The following PRKCH variants were observed in gnomAD, a reference collection of about 807,000 sequenced individuals.
PRKCH encodes protein kinase C eta, also known as protein kinase C eta type.
PRKCH carries 28 observed loss-of-function variants against 82.5 expected under a neutral mutation model. The ratio of observed to expected loss-of-function variants is 0.34; its 90% CI spans 0.25 to 0.47. The LOEUF is 0.47. Ranked by LOEUF, PRKCH falls within the 20% of genes least tolerant of loss-of-function variation. The pLI is 1.00. For missense variants in PRKCH, 705 were observed against 881.8 expected (o/e 0.80, Z 2.54); for synonymous variants, 322 against 327.4 (o/e 0.98, Z 0.18).
At chr14:61,517,008 G>T (rs1305165643) in intron 10 of PRKCH, among the ~76,000 whole-genome samples, 2 of 152,120 alleles carry the variant, frequency 1.3e-5, no homozygotes, top group African/African-American at 4.8e-5. Context: ...TGTTTAGATG[G>T]CTCAGGTTTA....
chr14:61,224,415 A>T (rs1373116726), intron 1 of PRKCH, among the ~76,000 whole-genome samples: 1 of 151,932 alleles, frequency 6.6e-6, no homozygotes, highest in Non-Finnish European at 1.5e-5. Flanking sequence ...TTTTCCATGG[A>T]TGTCCTTTTT....
chr14:61,269,025 A>C (rs906426264), intron 1 of PRKCH, among the ~76,000 whole-genome samples: 10 of 152,226 alleles, frequency 6.6e-5, no homozygotes, highest in African/African-American at 2.2e-4. Flanking sequence ...CTATTTGGCA[A>C]AGACATTTGG....
chr14:61,360,734 C>T (rs2046214144), intron 1 of PRKCH, among the ~76,000 whole-genome samples: 1 of 152,178 alleles, frequency 6.6e-6, no homozygotes, highest in African/African-American at 2.4e-5. Flanking sequence ...ACTTGGCTTC[C>T]AGGAGCCTGA....
chr14:61,438,233 G>A (rs912769467), intron 2 of PRKCH, among the ~76,000 whole-genome samples: 9 of 152,054 alleles, frequency 5.9e-5, no homozygotes, highest in East Asian at 3.9e-4. Flanking sequence ...CTTGTCTGTC[G>A]TCATATAGAA....
chr14:61,327,503 C>T (rs913759755), intron 1 of PRKCH, among the ~76,000 whole-genome samples: 9 of 152,286 alleles, frequency 5.9e-5, no homozygotes, highest in Non-Finnish European at 8.8e-5. Flanking sequence ...GGCTATGTAG[C>T]GTCTTCATTT....
rs371903771 is a variant in PRKCH at position 61,493,364 on chromosome 14, A to T, written c.1433+7708A>T. ...GATCTAGGAATCATCTCTCTATTCC[A>T]ATTCCATGTAGTAAGAAGGGCTAGA... On this transcript the variant is annotated intron_variant, in intron 10 of 13. Coordinates refer to ENST00000332981, the MANE Select transcript of PRKCH (RefSeq NM_006255.5). Among the ~76,000 whole-genome samples, 187 of 152,308 alleles carry T rather than the reference A, an allele frequency of 1.2e-3. 2 individuals carry two copies. Among genetic ancestry groups the T allele is most frequent in the African/African-American group, 3.9e-3 (163 of 41,562 alleles).
intron 1 of PRKCH, among the ~76,000 whole-genome samples, chr14:61,375,441 A>G (rs932290004): frequency 3.3e-5 from 5 of 152,072 alleles, no homozygotes; most frequent in Non-Finnish European, 1.5e-5. Flanking sequence ...TCTTGGTACC[A>G]ATTTTCTGTA....
intron 1 of PRKCH, chr14:61,327,173 C>G (rs1289803826): frequency 2.2e-6 from 1 of 455,176 alleles, no homozygotes; most frequent in Non-Finnish European, 4.4e-6. Flanking sequence ...CTCTCAATTT[C>G]TCAGTGAGGT....
Position 61,359,449 on chromosome 14 carries a change from T to C in PRKCH, c.364-31776T>C, listed in dbSNP as rs182424259. 5.3e-4 allele frequency among the ~76,000 whole-genome samples: 81 copies of C among 152,360 alleles called. No homozygotes were observed. In the East Asian group the frequency reaches 7.9e-3, roughly 15 times the overall value. On this transcript the variant is annotated intron_variant, in intron 1 of 13. Coordinates refer to ENST00000332981, the MANE Select transcript of PRKCH (RefSeq NM_006255.5). Reference sequence around the variant, plus strand: ...AAGTTATTTTTCCCAGAGAACATTTTCATATTTTAGAACTTATGGTAATGT... The same window carrying C: ...AAGTTATTTTTCCCAGAGAACATTTCCATATTTTAGAACTTATGGTAATGT...
At chr14:61,513,729 T>C (rs904647472) in intron 10 of PRKCH, among the ~76,000 whole-genome samples, 5 of 152,154 alleles carry the variant, frequency 3.3e-5, no homozygotes, top group South Asian at 2.1e-4. Context: ...TATGATAGTT[T>C]GTCATACTGT....
At chr14:61,524,601 A>G (rs2042944437) in intron 10 of PRKCH, among the ~76,000 whole-genome samples, 1 of 152,142 alleles carries the variant, frequency 6.6e-6, no homozygotes, top group East Asian at 1.9e-4. Context: ...AACTAAAGTC[A>G]GGAGGCTTAG....
chr14:61,249,664 A>G (rs1346723955), intron 1 of PRKCH, among the ~76,000 whole-genome samples: 1 of 151,698 alleles, frequency 6.6e-6, no homozygotes, highest in Admixed American at 6.6e-5. Flanking sequence ...CTCTGTCTCC[A>G]GGCTGGAGTG....
At chr14:61,295,058 GT>G (rs1351792811) in intron 1 of PRKCH, among the ~76,000 whole-genome samples, 3 of 152,032 alleles carry the variant, frequency 2.0e-5, no homozygotes, top group Admixed American at 2.0e-4. Context: ...GTAGAGACAG[GT>G]TTTGCCATGT....
intron 1 of PRKCH, among the ~76,000 whole-genome samples, chr14:61,233,074 C>A (rs998651148): frequency 6.6e-6 from 1 of 152,096 alleles, no homozygotes; most frequent in Admixed American, 6.5e-5. Flanking sequence ...TACCAGAAAC[C>A]AATTCAATTA....
intron 1 of PRKCH, among the ~76,000 whole-genome samples, chr14:61,386,805 A>T (rs1042343418): frequency 5.3e-5 from 8 of 152,146 alleles, no homozygotes; most frequent in Non-Finnish European, 7.3e-5. Context: ...GCATAGAGGG[A>T]TGTGATAATT....
At chr14:61,218,327 C>CGTGCA (rs1298064460) in intron 1 of PRKCH, among the ~76,000 whole-genome samples, 1 of 152,124 alleles carries the variant, frequency 6.6e-6, no homozygotes, top group Non-Finnish European at 1.5e-5. Context: ...AACACTGTGC[C>CGTGCA]GTGCAGGTAA....
chr14:61,240,383 C>A (rs2044826523), intron 1 of PRKCH, among the ~76,000 whole-genome samples: 1 of 151,916 alleles, frequency 6.6e-6, no homozygotes, highest in South Asian at 2.1e-4. Flanking sequence ...TTCATGTAGC[C>A]CTCGAAAAAA....
At chr14:61,331,683 T>C (rs1297986163) in intron 1 of PRKCH, among the ~76,000 whole-genome samples, 1 of 152,246 alleles carries the variant, frequency 6.6e-6, no homozygotes, top group Non-Finnish European at 1.5e-5. Context: ...TTCCCCGTTA[T>C]ATTGTGAGGG....
intron 1 of PRKCH, among the ~76,000 whole-genome samples, chr14:61,239,766 C>T (rs1451949908): frequency 6.6e-6 from 1 of 152,188 alleles, no homozygotes; most frequent in Admixed American, 6.5e-5. Context: ...TCTTGGTAAA[C>T]ACAGGTCTTA....
Sources: allele counts gnomAD v4.1 joint callset (sites outside exome capture counted in the v4.1 genomes callset), GRCh38; gene constraint gnomAD v4.1.1; transcripts MANE v1.5; gene names NCBI Gene and HGNC (gene_info 2026-07-23, HGNC 2026-07-21).